The following XKR9 variants were observed in gnomAD, a reference collection of about 807,000 sequenced individuals.
XKR9 encodes XK related 9.
Under a neutral mutation model 32.0 loss-of-function variants are expected in XKR9, and 32 were observed. The ratio of observed to expected loss-of-function variants is 1.00; its 90% confidence interval spans 0.76 to 1.34. XKR9 has a LOEUF of 1.34. XKR9 is among the 40% of genes most tolerant of loss of function. XKR9 has a pLI of 0.00. For missense variants in XKR9, 546 were observed against 429.7 expected, an observed-to-expected ratio of 1.27 and a Z score of -2.39; for synonymous variants, 168 against 143.4, an observed-to-expected ratio of 1.17 and a Z score of -1.22.
At chr8:70,876,455 G>A in the XKR9 span, among the ~76,000 whole-genome samples, 1 of 151,888 alleles carries the variant, frequency 6.6e-6, no homozygotes, top group African/African-American at 2.4e-5. Context: ...GGGTGAGTAG[G>A]CAAGCACACT....
downstream of XKR9, among the ~76,000 whole-genome samples, chr8:70,792,921 T>G (rs780165028): frequency 6.6e-6 from 1 of 152,126 alleles, no homozygotes; most frequent in Non-Finnish European, 1.5e-5. Context: ...TCTTGGACTT[T>G]CCAGCTTCAA....
chr8:70,700,273 T>G (rs986692362), intron 3 of XKR9, among the ~76,000 whole-genome samples: 2 of 152,172 alleles, frequency 1.3e-5, no homozygotes, highest in African/African-American at 4.8e-5. Flanking sequence ...TTTTAGAGTT[T>G]CCAGTTTTTC....
the XKR9 span, among the ~76,000 whole-genome samples, chr8:71,033,230 C>G: frequency 6.6e-6 from 1 of 152,202 alleles, no homozygotes. Flanking sequence ...GACTCCCCCA[C>G]TACCAGTGTG....
the XKR9 span, among the ~76,000 whole-genome samples, chr8:70,852,654 GA>G: frequency 6.6e-6 from 1 of 152,134 alleles, no homozygotes; most frequent in Non-Finnish European, 1.5e-5. Flanking sequence ...ATACACCATG[GA>G]ATACTATGCA....
At chr8:70,823,981 T>C in the XKR9 span, among the ~76,000 whole-genome samples, 1 of 152,148 alleles carries the variant, frequency 6.6e-6, no homozygotes, top group Non-Finnish European at 1.5e-5. Flanking sequence ...TAGTAAGAAT[T>C]TCTTGTGTTG....
chr8:70,976,573 G>T, the XKR9 span, among the ~76,000 whole-genome samples: 2 of 152,162 alleles, frequency 1.3e-5, no homozygotes, highest in African/African-American at 2.4e-5. Flanking sequence ...AAGCCCACTT[G>T]ATCTTGGTGC....
chr8:70,713,833 A>G (rs1806001308), intron 4 of XKR9, among the ~76,000 whole-genome samples: 1 of 152,148 alleles, frequency 6.6e-6, no homozygotes, highest in Admixed American at 6.5e-5. Flanking sequence ...TAAGAAAAAT[A>G]ACAATATTAT....
chr8:70,813,634 T>C, the XKR9 span, among the ~76,000 whole-genome samples: 2 of 152,224 alleles, frequency 1.3e-5, no homozygotes, highest in Non-Finnish European at 2.9e-5. Flanking sequence ...GGGCAAAGGA[T>C]ATGAACAGAC....
At chr8:70,793,051 T>A (rs1447352918), downstream of XKR9, among the ~76,000 whole-genome samples, 4 of 152,124 alleles carry the variant, frequency 2.6e-5, no homozygotes, top group Non-Finnish European at 5.9e-5. Flanking sequence ...CTAAGACTGT[T>A]TTAGTGTAAG....
intron 4 of XKR9, among the ~76,000 whole-genome samples, chr8:70,709,157 A>G: frequency 6.6e-6 from 1 of 152,190 alleles, no homozygotes. Context: ...ATAAATCAAT[A>G]AATGTGATTC....
chr8:70,692,820 T>C (rs1386438436), intron 3 of XKR9, among the ~76,000 whole-genome samples: 2 of 152,096 alleles, frequency 1.3e-5, no homozygotes, highest in East Asian at 3.9e-4. Context: ...CCTCAGGTGA[T>C]CTGCCCGCCA....
the XKR9 span, among the ~76,000 whole-genome samples, chr8:70,978,987 A>G: frequency 6.6e-6 from 1 of 151,698 alleles, no homozygotes; most frequent in African/African-American, 2.4e-5. Context: ...CATTAATTTG[A>G]TCTTCAATCA....
intron 3 of XKR9, among the ~76,000 whole-genome samples, chr8:70,693,692 C>T (rs62530775): frequency 0.073 from 11,057 of 152,192 alleles, 474 homozygotes; most frequent in Non-Finnish European, 0.089. Flanking sequence ...CAGCCCAAGA[C>T]GGAAGGTTTG....
chr8:70,836,096 T>C, the XKR9 span, among the ~76,000 whole-genome samples: 13 of 152,228 alleles, frequency 8.5e-5, 1 homozygote, highest in African/African-American at 2.9e-4. Context: ...TATTTTTTGG[T>C]GCATTTCAAA....
chr8:70,813,454 A>G, the XKR9 span, among the ~76,000 whole-genome samples: 1 of 152,236 alleles, frequency 6.6e-6, no homozygotes, highest in Non-Finnish European at 1.5e-5. Context: ...ATGCAATTAA[A>G]CTAAAGAGCT....
chr8:71,019,449 A>G, the XKR9 span, among the ~76,000 whole-genome samples: 1 of 152,202 alleles, frequency 6.6e-6, no homozygotes, highest in African/African-American at 2.4e-5. Flanking sequence ...GCTAAAAGAG[A>G]AAGCTTTACC....
chr8:70,675,184 T>C (rs1818842651), intron 2 of XKR9, among the ~76,000 whole-genome samples: 1 of 152,140 alleles, frequency 6.6e-6, no homozygotes, highest in South Asian at 2.1e-4. Context: ...CCCAGCACTT[T>C]GGGAGGCTGA....
At chr8:70,972,796 C>T in the XKR9 span, among the ~76,000 whole-genome samples, 1 of 152,164 alleles carries the variant, frequency 6.6e-6, no homozygotes, top group Non-Finnish European at 1.5e-5. Flanking sequence ...ACAATCCCTG[C>T]ATCCCTGGTA....
At chr8:70,863,154 C>A in the XKR9 span, among the ~76,000 whole-genome samples, 1 of 152,012 alleles carries the variant, frequency 6.6e-6, no homozygotes, top group East Asian at 1.9e-4. Flanking sequence ...TGGAAAAAGA[C>A]CTGTCAGATG....
Sources: allele counts gnomAD v4.1 joint callset (sites outside exome capture counted in the v4.1 genomes callset), GRCh38; gene constraint gnomAD v4.1.1; transcripts MANE v1.5; gene names NCBI Gene and HGNC (gene_info 2026-07-23, HGNC 2026-07-21).